GREM2: variants seen among roughly 807,000 people sequenced by gnomAD.
GREM2 encodes the protein gremlin-2.
GREM2 carries 11 observed loss-of-function variants against 14.2 expected under a neutral mutation model. The ratio of observed to expected loss-of-function variants is 0.78; its 90% confidence interval spans 0.49 to 1.28. The LOEUF (loss-of-function observed/expected upper bound fraction) is 1.28. GREM2 is among the 50% of genes most tolerant of loss of function. The pLI is 0.00. For synonymous variants in GREM2, 98 were observed against 97.6 expected (o/e 1.00, Z -0.02); for missense variants, 210 against 218.5 (o/e 0.96, Z 0.24).
At position 240,492,941 on chromosome 1, in the gene GREM2, C is replaced by T. The variant is rs376500517; in HGVS notation, c.*28G>A. 1 of 1,432,076 alleles carries T rather than the reference C, an allele frequency of 7.0e-7. No homozygotes were observed. Among genetic ancestry groups the T allele is most frequent in the Non-Finnish European group, 9.2e-7 (1 of 1,091,378 alleles). 88.7% of individuals were successfully genotyped at this position (1,432,076 alleles called of 1,614,324 possible). ...GCGCCACCCAGCGGCCGGGCGCGCGCGGGGCTGAGCTGCGTCCGGCCCGGC... is the reference window on the plus strand; with the variant it reads ...GCGCCACCCAGCGGCCGGGCGCGCGTGGGGCTGAGCTGCGTCCGGCCCGGC... On this transcript the variant is annotated 3_prime_UTR_variant, in exon 2 of 2. Coordinates refer to ENST00000318160, the MANE Select transcript of GREM2 (RefSeq NM_022469.4).
intron 1 of GREM2, among the ~76,000 whole-genome samples, chr1:240,506,483 TA>T (rs1370064655): frequency 1.3e-5 from 2 of 152,014 alleles, no homozygotes; most frequent in African/African-American, 4.8e-5. Context: ...TCAGACAAAT[TA>T]GAGTGCAAAT....
intron 1 of GREM2, among the ~76,000 whole-genome samples, chr1:240,573,921 GTTTGT>G (rs377211757): frequency 1.3e-5 from 2 of 151,910 alleles, no homozygotes; most frequent in Admixed American, 1.3e-4. Context: ...TAAGAGATAG[GTTTGT>G]TTTGTTTTGT....
At chr1:240,590,129 C>G (rs372541945) in intron 1 of GREM2, among the ~76,000 whole-genome samples, 20 of 152,182 alleles carry the variant, frequency 1.3e-4, no homozygotes, top group African/African-American at 4.8e-4. Context: ...GTCATAACTA[C>G]AGCTGTATTT....
intron 1 of GREM2, among the ~76,000 whole-genome samples, chr1:240,573,071 G>C (rs1027666152): frequency 6.6e-6 from 1 of 151,754 alleles, no homozygotes; most frequent in Non-Finnish European, 1.5e-5. Context: ...TTTTAAGTGA[G>C]AGCAAAAAGT....
chr1:240,609,187 TGTGCTTCCACCCGCTC>T, intron 1 of GREM2, among the ~76,000 whole-genome samples: 1 of 152,228 alleles, frequency 6.6e-6, no homozygotes, highest in African/African-American at 2.4e-5. Flanking sequence ...TTTATACCCT[TGTGCTTCCACCCGCTC>T]ACGTTCCATC....
At chr1:240,548,228 T>G (rs1678777957) in intron 1 of GREM2, among the ~76,000 whole-genome samples, 2 of 152,254 alleles carry the variant, frequency 1.3e-5, no homozygotes, top group African/African-American at 4.8e-5. Flanking sequence ...TGAGCCAAGA[T>G]TGTGCCACTG....
At chr1:240,551,772 A>T (rs1373018382) in intron 1 of GREM2, among the ~76,000 whole-genome samples, 1 of 152,128 alleles carries the variant, frequency 6.6e-6, no homozygotes, top group Non-Finnish European at 1.5e-5. Flanking sequence ...TTGCCTTCTT[A>T]AATGCTGAGG....
Position 240,490,075 on chromosome 1 carries a change from G to A in GREM2, c.*2894C>T, listed in dbSNP as rs1056210057. 2.0e-5 allele frequency: 3 copies of A among 152,312 alleles called. No individual in the cohort carries two copies. The highest frequency in any genetic ancestry group is 7.2e-5 in the African/African-American group (3 of 41,566). 9.4% of individuals were successfully genotyped at this position (152,312 alleles called of 1,614,324 possible). On this transcript the variant is annotated 3_prime_UTR_variant, in exon 2 of 2. Coordinates refer to ENST00000318160, the MANE Select transcript of GREM2 (RefSeq NM_022469.4). The stretch of plus-strand genomic sequence containing the variant: ...AGAAATATTTAAATTAAGAAATGTT[G>A]GAACTCATGAGGAGTAAATGTGAAA...
chr1:240,589,492 A>C lies in GREM2; in HGVS notation c.-2+22392T>G, dbSNP rs549581817. On this transcript the variant is annotated intron_variant, in intron 1 of 1. Transcript: ENST00000318160. The stretch of plus-strand genomic sequence containing the variant: ...AAAGAAAAGGAAAGACATTAAATTA[A>C]ATTTTAACAATTTTCTTTCCTCATC... Among the ~76,000 whole-genome samples, 4 of 152,194 alleles carry C rather than the reference A, an allele frequency of 2.6e-5. No individual in the cohort carries two copies. In the South Asian group the frequency reaches 8.3e-4, roughly 32 times the overall value.
At chr1:240,565,965 C>T (rs1193917002) in intron 1 of GREM2, among the ~76,000 whole-genome samples, 2 of 151,820 alleles carry the variant, frequency 1.3e-5, no homozygotes, top group African/African-American at 2.4e-5. Context: ...GAAAAGAGAC[C>T]CCTGCATGGT....
intron 1 of GREM2, among the ~76,000 whole-genome samples, chr1:240,592,865 G>A (rs949820754): frequency 2.0e-5 from 3 of 152,040 alleles, no homozygotes; most frequent in Admixed American, 1.3e-4. Flanking sequence ...CGGGCACGGT[G>A]GCTCAAGCTT....
intron 1 of GREM2, among the ~76,000 whole-genome samples, chr1:240,554,813 C>G (rs1000005764): frequency 4.6e-5 from 7 of 152,158 alleles, no homozygotes; most frequent in African/African-American, 1.7e-4. Context: ...CTCTACTTCT[C>G]CCCATTAGTT....
At position 240,542,959 on chromosome 1, in the gene GREM2, A is replaced by G. The variant is rs1572390708; in HGVS notation, c.-1-49483T>C. ...TTAGAAGTTCTGTAAGATCCCACCAAAAAATATCACCTTCTTTGTGAAGCC... is the reference window on the plus strand; with the variant it reads ...TTAGAAGTTCTGTAAGATCCCACCAGAAAATATCACCTTCTTTGTGAAGCC... On this transcript the variant is annotated intron_variant, in intron 1 of 1. Coordinates refer to ENST00000318160, the MANE Select transcript of GREM2 (RefSeq NM_022469.4). This position sits in a 1 kb window ranked among gnomAD's most constrained non-coding sequence, Gnocchi z 4.1. Among the ~76,000 whole-genome samples the G allele has an allele frequency of 6.6e-6, 1 of 152,154 alleles. No homozygotes were observed. The highest frequency in any genetic ancestry group is 2.4e-5 in the African/African-American group (1 of 41,436).
intron 1 of GREM2, among the ~76,000 whole-genome samples, chr1:240,523,702 C>G (rs905165841): frequency 2.0e-5 from 3 of 152,016 alleles, no homozygotes; most frequent in Non-Finnish European, 4.4e-5. Flanking sequence ...CCACTACGTG[C>G]AGGATTGCAA....
rs1198858164 is a variant in GREM2 at position 240,543,387 on chromosome 1, G to A, written c.-1-49911C>T. Among the ~76,000 whole-genome samples the A allele has an allele frequency of 6.6e-6, 1 of 152,204 alleles. No homozygotes were observed. Among genetic ancestry groups the A allele is most frequent in the Non-Finnish European group, 1.5e-5 (1 of 68,042 alleles). On this transcript the variant is annotated intron_variant, in intron 1 of 1. Transcript: ENST00000318160. This position sits in a 1 kb window ranked among gnomAD's most constrained non-coding sequence, Gnocchi z 6.4. ...AATCAAGGCAGAAGACAAATGAGGA[G>A]CAAAATCACGTCTTACATGGTGGTA...
intron 1 of GREM2, among the ~76,000 whole-genome samples, chr1:240,584,323 T>C (rs968509833): frequency 3.3e-5 from 5 of 151,754 alleles, no homozygotes; most frequent in African/African-American, 1.2e-4. Context: ...GATAAAACCC[T>C]GTCTCCACTA....
chr1:240,582,331 A>G (rs1294634097), intron 1 of GREM2, among the ~76,000 whole-genome samples: 2 of 152,134 alleles, frequency 1.3e-5, no homozygotes, highest in African/African-American at 2.4e-5. Flanking sequence ...ACTATTCGGG[A>G]GGCTGAGGCA....
At chr1:240,599,288 A>G (rs532244826) in intron 1 of GREM2, among the ~76,000 whole-genome samples, 1 of 151,786 alleles carries the variant, frequency 6.6e-6, no homozygotes, top group East Asian at 1.9e-4. Context: ...AAAAAATACA[A>G]CAACAGTAAG....
intron 1 of GREM2, among the ~76,000 whole-genome samples, chr1:240,575,068 C>T (rs1269553571): frequency 6.6e-6 from 1 of 151,842 alleles, no homozygotes; most frequent in Non-Finnish European, 1.5e-5. Context: ...GATCGCACCA[C>T]TGCATTCCAG....
Sources: allele counts gnomAD v4.1 joint callset (sites outside exome capture counted in the v4.1 genomes callset), GRCh38; gene constraint gnomAD v4.1.1; non-coding constraint Gnocchi (gnomAD v3.1); transcripts MANE v1.5; gene names NCBI Gene and HGNC (gene_info 2026-07-23, HGNC 2026-07-21).